MED12L: variants seen among roughly 807,000 people sequenced by gnomAD.
MED12L encodes the protein mediator of RNA polymerase II transcription subunit 12-like protein.
MED12L carries 60 observed loss-of-function variants against 281.3 expected under a neutral mutation model. That is an observed-to-expected ratio of 0.21 (90% CI 0.17 to 0.26). MED12L has a LOEUF of 0.26. Among genes scored for constraint, MED12L ranks in the 10% least tolerant of loss-of-function variants. MED12L has a pLI of 1.00. For synonymous variants in MED12L, 974 were observed against 987.2 expected, an observed-to-expected ratio of 0.99 and a Z score of 0.25; for missense variants, 2,146 against 2,680.9, an observed-to-expected ratio of 0.80 and a Z score of 4.41.
chr3:151,131,598 C>T (rs1428125325), intron 5 of MED12L, among the ~76,000 whole-genome samples: 2 of 152,120 alleles, frequency 1.3e-5, no homozygotes, highest in Non-Finnish European at 2.9e-5. Context: ...CAGAGAGAGA[C>T]CCTCTCCCTC....
At chr3:151,264,402 CAGTT>C (rs1739454987) in intron 16 of MED12L, among the ~76,000 whole-genome samples, 1 of 152,194 alleles carries the variant, frequency 6.6e-6, no homozygotes, top group Non-Finnish European at 1.5e-5. Flanking sequence ...TGTATTTTGT[CAGTT>C]AGGAAAGAAG....
intron 27 of MED12L, among the ~76,000 whole-genome samples, chr3:151,375,108 A>G (rs750877785): frequency 2.0e-5 from 3 of 152,216 alleles, no homozygotes; most frequent in Non-Finnish European, 4.4e-5. Context: ...GTGAGTGCAT[A>G]TTGGAATCAG....
At chr3:151,104,275 T>C (rs922003047) in intron 2 of MED12L, among the ~76,000 whole-genome samples, 1 of 152,200 alleles carries the variant, frequency 6.6e-6, no homozygotes, top group Non-Finnish European at 1.5e-5. Flanking sequence ...TTTAGGGAAG[T>C]CCTGCCTTTC....
chr3:151,088,190 A>G (rs1165451186), intron 2 of MED12L, among the ~76,000 whole-genome samples: 1 of 152,260 alleles, frequency 6.6e-6, no homozygotes, highest in African/African-American at 2.4e-5. Flanking sequence ...AGTAAGGAAC[A>G]GCAACTCCTT....
intron 39 of MED12L, among the ~76,000 whole-genome samples, chr3:151,395,987 T>C (rs942591427): frequency 6.6e-6 from 1 of 152,176 alleles, no homozygotes; most frequent in African/African-American, 2.4e-5. Flanking sequence ...AAGAAACCAA[T>C]TGAACTGTAT....
intron 8 of MED12L, 89 bp downstream of exon 8, chr3:151,160,190 T>C: frequency 8.0e-7 from 1 of 1,254,962 alleles, no homozygotes; most frequent in Non-Finnish European, 1.1e-6. Flanking sequence ...TCTAGTTGAC[T>C]TTTTACAACT....
At chr3:151,413,379 T>C (rs1457778451) in intron 42 of MED12L, 84 bp downstream of exon 42, 4 of 1,454,698 alleles carry the variant, frequency 2.7e-6, no homozygotes, top group Non-Finnish European at 3.7e-6. Flanking sequence ...AAAAACACTA[T>C]AGTTGTCAAT....
At chr3:151,187,924 A>G (rs1043987201) in intron 12 of MED12L, among the ~76,000 whole-genome samples, 11 of 152,302 alleles carry the variant, frequency 7.2e-5, no homozygotes, top group African/African-American at 2.4e-4. Flanking sequence ...ATTTTTAGCA[A>G]TTTTGCATAG....
chr3:151,309,861 T>G (rs1747257818), intron 16 of MED12L, among the ~76,000 whole-genome samples: 1 of 152,230 alleles, frequency 6.6e-6, no homozygotes, highest in Non-Finnish European at 1.5e-5. Flanking sequence ...CTTAATTTCA[T>G]TTTGGAAGGC....
At chr3:151,221,637 G>A (rs1275802913) in intron 16 of MED12L, among the ~76,000 whole-genome samples, 1 of 152,220 alleles carries the variant, frequency 6.6e-6, no homozygotes, top group African/African-American at 2.4e-5. Context: ...TCCACCTGGT[G>A]TGGAGCCTGC....
In MED12L at chr3:151,390,155, A is replaced by C. The variant is rs752812007; in HGVS notation, c.5608+20A>C. The C allele has an allele frequency of 6.2e-6, 10 of 1,612,398 alleles. No individual in the cohort carries two copies. On this transcript the variant is annotated intron_variant, in intron 38 of 44. Transcript: ENST00000687756. Reference sequence around the variant, plus strand: ...CTCCAGGTATGTGATGAGAAAGCACAGATCACTCAGAGATGAGAAACAGCT... The same window carrying C: ...CTCCAGGTATGTGATGAGAAAGCACCGATCACTCAGAGATGAGAAACAGCT...
intron 16 of MED12L, among the ~76,000 whole-genome samples, chr3:151,298,205 A>C (rs1423156570): frequency 6.6e-6 from 1 of 152,186 alleles, no homozygotes; most frequent in Non-Finnish European, 1.5e-5. Flanking sequence ...GTGTACTCAG[A>C]AGCATTTCTC....
chr3:151,198,840 T>C, intron 16 of MED12L: 1 of 1,613,646 alleles, frequency 6.2e-7, no homozygotes, highest in Non-Finnish European at 8.5e-7. Flanking sequence ...GCTACACATA[T>C]GAAATTTGTC....
intron 16 of MED12L, among the ~76,000 whole-genome samples, chr3:151,247,872 C>T (rs1735981999): frequency 6.6e-6 from 1 of 151,566 alleles, no homozygotes; most frequent in African/African-American, 2.4e-5. Flanking sequence ...CTCTGCCTTC[C>T]CTTAGTTGCA....
chr3:151,362,241 C>A (rs918859754), intron 21 of MED12L, among the ~76,000 whole-genome samples: 2 of 152,010 alleles, frequency 1.3e-5, no homozygotes, highest in Non-Finnish European at 2.9e-5. Context: ...CTAAAGTGAT[C>A]CTTTTAATAT....
intron 32 of MED12L, among the ~76,000 whole-genome samples, chr3:151,380,937 C>T (rs1259252943): frequency 6.6e-6 from 1 of 152,184 alleles, no homozygotes; most frequent in African/African-American, 2.4e-5. Context: ...GGTTCAGAAA[C>T]TCAGTTGTAT....
intron 42 of MED12L, among the ~76,000 whole-genome samples, 155 bp from the exon 43 acceptor site, chr3:151,416,157 C>T (rs774906126): frequency 5.3e-5 from 8 of 152,074 alleles, no homozygotes; most frequent in Non-Finnish European, 7.3e-5. Context: ...CTCAAAAGGA[C>T]GAATGAGGTT....
At position 151,409,458 on chromosome 3, in the gene MED12L, T is replaced by C. The variant is rs568054846; in HGVS notation, c.5910+126T>C. 1.0e-4 allele frequency: 79 copies of C among 765,742 alleles called. No individual in the cohort carries two copies. In the African/African-American group the frequency reaches 1.1e-3, roughly 11 times the overall value. 47.4% of individuals were successfully genotyped at this position (765,742 alleles called of 1,614,324 possible). On this transcript the variant is annotated intron_variant, in intron 40 of 44. Coordinates refer to ENST00000687756, the MANE Select transcript of MED12L (RefSeq NM_001393769.1). ...AGAACTTGATTACTTCTTCTACTTA[T>C]AGATTATAATTGATATTTCAAAAAA... is the stretch of plus-strand genomic sequence containing the variant.
intron 16 of MED12L, chr3:151,326,445 G>C (rs1309517390): frequency 1.3e-5 from 2 of 152,574 alleles, no homozygotes; most frequent in Non-Finnish European, 1.5e-5. Flanking sequence ...TAATAATATA[G>C]GTGTGACAGC....
Sources: gnomAD v4.1 joint callset for allele counts (sites outside exome capture counted in the v4.1 genomes callset) on GRCh38, gnomAD v4.1.1 for gene constraint, MANE v1.5 for transcripts, NCBI Gene and HGNC (gene_info 2026-07-23, HGNC 2026-07-21) for gene names.